RANBP2: variants seen among roughly 807,000 people sequenced by gnomAD.
The protein encoded by RANBP2 is RAN binding protein 2, also known as E3 SUMO-protein ligase RanBP2.
A neutral mutation model predicts 303.6 loss-of-function variants in RANBP2; 57 were observed. The ratio of observed to expected loss-of-function variants is 0.19; its 90% CI spans 0.15 to 0.23. The LOEUF is 0.23. Among genes scored for constraint, RANBP2 ranks in the 10% least tolerant of loss-of-function variants. The pLI, the probability that RANBP2 is intolerant of heterozygous loss-of-function variation, is 1.00. For synonymous variants in RANBP2, 1,167 were observed against 1,301.5 expected, an observed-to-expected ratio of 0.90 and a Z score of 2.23; for missense variants, 3,138 against 3,780.8, an observed-to-expected ratio of 0.83 and a Z score of 4.46.
At chr2:108,761,229 C>T (rs1238981295) in intron 18 of RANBP2, among the ~76,000 whole-genome samples, 1 of 148,632 alleles carries the variant, frequency 6.7e-6, no homozygotes, top group African/African-American at 2.5e-5. Context: ...CTGCTTCCTC[C>T]CCATAGTAAT....
the RANBP2 span, among the ~76,000 whole-genome samples, chr2:109,524,350 A>G: frequency 2.0e-5 from 3 of 148,352 alleles, no homozygotes; most frequent in Middle Eastern, 3.2e-3. Flanking sequence ...GAATGAGATC[A>G]TGTGTGTGAA....
At chr2:109,024,499 G>T in the RANBP2 span, among the ~76,000 whole-genome samples, 1 of 152,142 alleles carries the variant, frequency 6.6e-6, no homozygotes, top group Admixed American at 6.5e-5. Flanking sequence ...TTCTAACAGT[G>T]AGAAAATTAC....
chr2:108,925,774 C>A, the RANBP2 span, among the ~76,000 whole-genome samples: 5 of 152,130 alleles, frequency 3.3e-5, no homozygotes, highest in Non-Finnish European at 7.3e-5. Flanking sequence ...TGCACCACGA[C>A]GCCTGGCTAA....
the RANBP2 span, among the ~76,000 whole-genome samples, chr2:108,904,073 G>T: frequency 6.6e-6 from 1 of 151,860 alleles, no homozygotes; most frequent in Non-Finnish European, 1.5e-5. Flanking sequence ...TCCATCATAG[G>T]ACTAGTGTCT....
the RANBP2 span, among the ~76,000 whole-genome samples, chr2:109,484,157 T>C: frequency 6.6e-6 from 1 of 151,284 alleles, no homozygotes; most frequent in Non-Finnish European, 1.5e-5. Context: ...ACCTCTGCCT[T>C]CTGGGTTCAA....
the RANBP2 span, among the ~76,000 whole-genome samples, chr2:109,690,329 T>C: frequency 6.6e-6 from 1 of 152,170 alleles, no homozygotes; most frequent in Non-Finnish European, 1.5e-5. Context: ...CTCAAAGTTG[T>C]GGGAGCACTT....
chr2:109,296,062 C>T, the RANBP2 span, among the ~76,000 whole-genome samples: 1 of 152,046 alleles, frequency 6.6e-6, no homozygotes, highest in Non-Finnish European at 1.5e-5. Context: ...CCCCAGGATC[C>T]CTTCCCTGCC....
At position 108,777,247 on chromosome 2, in the gene RANBP2, G is replaced by C; in HGVS notation, c.8599+16G>C. On this transcript the variant is annotated intron_variant, in intron 25 of 28. Coordinates refer to ENST00000283195, the MANE Select transcript of RANBP2 (RefSeq NM_006267.5). ...GGTTCTAAAGGTAAGATCAAGAGGA[G>C]AGACTTTTAATGACATTGTTACAGA... is the stretch of plus-strand genomic sequence containing the variant. The C allele has an allele frequency of 6.3e-7, 1 of 1,590,362 alleles. No individual in the cohort carries two copies. Among genetic ancestry groups the C allele is most frequent in the Non-Finnish European group, 8.6e-7 (1 of 1,164,966 alleles).
chr2:109,713,104 C>T, the RANBP2 span, among the ~76,000 whole-genome samples: 2 of 152,142 alleles, frequency 1.3e-5, no homozygotes, highest in African/African-American at 4.8e-5. Context: ...TCTCTTGAAA[C>T]CCTCCCTCCT....
At chr2:109,545,956 T>C in the RANBP2 span, 2 of 1,483,022 alleles carry the variant, frequency 1.3e-6, no homozygotes, top group African/African-American at 1.4e-5. Flanking sequence ...AGACAAAGCA[T>C]AAGGAAGCAG....
chr2:109,027,382 T>C, the RANBP2 span, among the ~76,000 whole-genome samples: 5 of 152,032 alleles, frequency 3.3e-5, no homozygotes, highest in East Asian at 5.8e-4. Flanking sequence ...TGTTCCTTTG[T>C]GGAGTCTTCA....
chr2:109,416,862 G>A, the RANBP2 span, among the ~76,000 whole-genome samples: 9 of 147,042 alleles, frequency 6.1e-5, no homozygotes, highest in Admixed American at 1.4e-4. Flanking sequence ...CTGAGATCGC[G>A]CCACTGCATT....
the RANBP2 span, among the ~76,000 whole-genome samples, chr2:109,120,802 C>T: frequency 6.6e-6 from 1 of 151,946 alleles, no homozygotes; most frequent in Admixed American, 6.6e-5. Context: ...CCCCAGGCAG[C>T]GGATACCTAC....
At chr2:108,828,165 A>G in the RANBP2 span, among the ~76,000 whole-genome samples, 1 of 152,190 alleles carries the variant, frequency 6.6e-6, no homozygotes, top group Non-Finnish European at 1.5e-5. Flanking sequence ...ACACCAAAAT[A>G]TATTGTAGAT....
the RANBP2 span, among the ~76,000 whole-genome samples, chr2:109,303,551 C>T: frequency 7.4e-3 from 1,123 of 152,316 alleles, 10 homozygotes; most frequent in African/African-American, 0.026. Context: ...TTCTGAGCCT[C>T]CAGGAAGGAA....
the RANBP2 span, among the ~76,000 whole-genome samples, chr2:109,765,436 C>T: frequency 4.7e-5 from 7 of 150,494 alleles, 1 homozygote; most frequent in African/African-American, 1.7e-4. Flanking sequence ...GTTTAGGAAA[C>T]CCTGCTGTAC....
chr2:109,650,507 C>T, the RANBP2 span, among the ~76,000 whole-genome samples: 4 of 152,306 alleles, frequency 2.6e-5, no homozygotes, highest in African/African-American at 7.2e-5. Flanking sequence ...CCCACTTTCC[C>T]TCCTTACCAA....
the RANBP2 span, among the ~76,000 whole-genome samples, chr2:109,425,240 G>A: frequency 1.3e-4 from 20 of 152,196 alleles, no homozygotes; most frequent in Admixed American, 9.8e-4. Flanking sequence ...AGGTTGGTTC[G>A]TGAGGTTTAA....
the RANBP2 span, among the ~76,000 whole-genome samples, chr2:109,695,857 G>A: frequency 1.3e-5 from 2 of 152,104 alleles, no homozygotes; most frequent in African/African-American, 4.8e-5. Flanking sequence ...TTAGGCCACA[G>A]TTTTCTCAGC....
Sources: allele counts gnomAD v4.1 joint callset (sites outside exome capture counted in the v4.1 genomes callset), GRCh38; gene constraint gnomAD v4.1.1; transcripts MANE v1.5; gene names NCBI Gene and HGNC (gene_info 2026-07-23, HGNC 2026-07-21).